KIF9: variants seen among roughly 807,000 people sequenced by gnomAD.
The protein encoded by KIF9 is kinesin family member 9, also known as kinesin-like protein KIF9.
In KIF9, 68 loss-of-function variants were observed where a neutral mutation model predicts 94.8. The observed-to-expected ratio is 0.72, with a 90% confidence interval of 0.59 to 0.88. The LOEUF (loss-of-function observed/expected upper bound fraction) is 0.88, where lower values mean the gene tolerates loss of function less well. Ranked by LOEUF, KIF9 falls within the 40% of genes least tolerant of loss-of-function variation. The pLI is 0.00. For synonymous variants in KIF9, 343 were observed against 362.1 expected (o/e 0.95, Z 0.60); for missense variants, 882 against 982.5 (o/e 0.90, Z 1.37).
At chr3:47,243,348 C>A (rs974065556) in intron 15 of KIF9, 103 bp from the exon 16 acceptor site, 71 of 878,890 alleles carry the variant, frequency 8.1e-5, no homozygotes, top group Admixed American at 1.5e-4. Context: ...GGGAACCCCA[C>A]CTCATTCAGC....
chr3:47,273,742 C>G, intron 3 of KIF9, 84 bp from the exon 4 acceptor site: 2 of 1,229,470 alleles, frequency 1.6e-6, no homozygotes, highest in Non-Finnish European at 2.3e-6. Context: ...CTGGTGCCAG[C>G]CAGGGCCCTT....
intron 10 of KIF9, among the ~76,000 whole-genome samples, chr3:47,250,246 C>A (rs964456332): frequency 6.6e-6 from 1 of 152,096 alleles, no homozygotes; most frequent in Non-Finnish European, 1.5e-5. Flanking sequence ...CTACTGAACA[C>A]TTGAAATGTG....
chr3:47,279,573 T>C (rs1702192665), intron 1 of KIF9, among the ~76,000 whole-genome samples: 1 of 152,026 alleles, frequency 6.6e-6, no homozygotes, highest in Non-Finnish European at 1.5e-5. Context: ...TAGATTATCT[T>C]GCTTTTTTAA....
chr3:47,256,461 C>G (rs573215241), intron 10 of KIF9, among the ~76,000 whole-genome samples: 2 of 150,896 alleles, frequency 1.3e-5, no homozygotes, highest in East Asian at 2.0e-4. Context: ...CCACCCCGTC[C>G]GGGAGGGAGG....
rs1165851707 is a variant in KIF9 at position 47,244,857 on chromosome 3, A to G, written c.1448T>C (p.Val483Ala). ...CCCAGGTTTGGTAGAGAAAGGGGCG[A>G]CTCCGAGTCCAAAGTTTTGTCCTTC... ...EPEGQNFGLGVAPFSTKPGKK... is the reference protein window; with the variant it reads ...EPEGQNFGLGAAPFSTKPGKK... Residue 483 changes from valine to alanine, a missense_variant, in exon 15 of 21, where the codon GTC becomes GCC. Transcript: ENST00000684063. 1 of 1,613,626 alleles carries G rather than the reference A, an allele frequency of 6.2e-7. No homozygotes were observed. The highest frequency in any genetic ancestry group is 8.5e-7 in the Non-Finnish European group (1 of 1,179,932).
chr3:47,281,002 A>G (rs761556051), intron 1 of KIF9: 1 of 702,942 alleles, frequency 1.4e-6, no homozygotes, highest in Non-Finnish European at 2.6e-6. Context: ...AGTGGGTTTC[A>G]GTTCCCAAAA....
intron 16 of KIF9, among the ~76,000 whole-genome samples, chr3:47,242,565 A>G (rs1172799440): frequency 6.6e-6 from 1 of 152,202 alleles, no homozygotes; most frequent in African/African-American, 2.4e-5. Context: ...CCCTTTCCCT[A>G]GTGTTGGCTA....
chr3:47,254,831 T>A (rs2107320051), intron 10 of KIF9, among the ~76,000 whole-genome samples: 1 of 152,072 alleles, frequency 6.6e-6, no homozygotes, highest in South Asian at 2.1e-4. Flanking sequence ...AAGATGAAAT[T>A]TTTAAAAAAG....
At chr3:47,245,383 T>G in intron 14 of KIF9, 38 bp downstream of exon 14, 1 of 1,480,606 alleles carries the variant, frequency 6.8e-7, no homozygotes, top group Non-Finnish European at 9.5e-7. Context: ...ATGGGAAATC[T>G]GAGGTGAGTG....
chr3:47,264,058 T>C, intron 9 of KIF9: 1 of 565,340 alleles, frequency 1.8e-6, no homozygotes, highest in Non-Finnish European at 3.3e-6. Flanking sequence ...TCTCCCATGC[T>C]GAGCCTGCCT....
intron 20 of KIF9, among the ~76,000 whole-genome samples, chr3:47,229,673 G>A (rs1027523415): frequency 6.6e-6 from 1 of 152,078 alleles, no homozygotes; most frequent in Non-Finnish European, 1.5e-5. Context: ...TATAGAGATT[G>A]GGGAATGAGA....
At position 47,236,156 on chromosome 3, in the gene KIF9, G is replaced by A. The variant is rs1553614457; in HGVS notation, c.2102-7C>T. The A allele has an allele frequency of 1.2e-6, 2 of 1,600,256 alleles. No individual in the cohort carries two copies. The highest frequency in any genetic ancestry group is 1.7e-6 in the Non-Finnish European group (2 of 1,167,408). ...TTGTACCAGATGTCAAATTCTACAA[G>A]GAGGTGAGGAGACAGAACTTGAGGA... On this transcript the variant is annotated splice_region_variant and splice_polypyrimidine_tract_variant and intron_variant, in intron 18 of 20. Transcript: ENST00000684063.
At chr3:47,252,999 C>T (rs374266482) in intron 10 of KIF9, among the ~76,000 whole-genome samples, 4 of 151,284 alleles carry the variant, frequency 2.6e-5, no homozygotes, top group South Asian at 2.1e-4. Flanking sequence ...CCAGCCTGGG[C>T]GACAGAGCTA....
In KIF9 at chr3:47,282,656, T is replaced by C; in HGVS notation, c.-167A>G. 1 of 1,231,604 alleles carries C rather than the reference T, an allele frequency of 8.1e-7. No homozygotes were observed. The highest frequency in any genetic ancestry group is 1.9e-5 in the South Asian group (1 of 51,414). 76.3% of individuals were successfully genotyped at this position (1,231,604 alleles called of 1,614,324 possible). Reference sequence around the variant, plus strand: ...GTGGCGGAAATGAAGTCCGAGGTCCTACGTCGAGGATACGGGTGAGGTCAT... The same window carrying C: ...GTGGCGGAAATGAAGTCCGAGGTCCCACGTCGAGGATACGGGTGAGGTCAT... On this transcript the variant is annotated 5_prime_UTR_variant, in exon 1 of 21. An upstream open reading frame in the 5' UTR loses its in-frame stop. Transcript: ENST00000684063.
chr3:47,273,528 C>G (rs777323158), intron 4 of KIF9, 24 bp downstream of exon 4: 1 of 1,547,024 alleles, frequency 6.5e-7, no homozygotes, highest in African/African-American at 1.4e-5. Flanking sequence ...TGTGTGGCAT[C>G]CCACCCTTGG....
chr3:47,247,094 T>G (rs1015270514), intron 12 of KIF9, among the ~76,000 whole-genome samples: 1 of 152,128 alleles, frequency 6.6e-6, no homozygotes. Flanking sequence ...ACTAGGCAGG[T>G]GAGGCCACTG....
chr3:47,245,254 C>G, intron 14 of KIF9, 167 bp downstream of exon 14: 1 of 652,364 alleles, frequency 1.5e-6, no homozygotes, highest in South Asian at 1.9e-5. Context: ...ATTTTTAATT[C>G]AAAAGTGGTT....
At chr3:47,239,809 C>T in intron 17 of KIF9, 1 of 1,367,322 alleles carries the variant, frequency 7.3e-7, no homozygotes, top group South Asian at 1.1e-5. Context: ...ATGCATCTGA[C>T]TTGCAGGAAT....
chr3:47,254,166 T>C (rs1161603629), intron 10 of KIF9, among the ~76,000 whole-genome samples: 1 of 152,164 alleles, frequency 6.6e-6, no homozygotes, highest in Non-Finnish European at 1.5e-5. Context: ...TTAGAAAGTG[T>C]AGGTATTTTG....
Sources: gnomAD v4.1 joint callset for allele counts (sites outside exome capture counted in the v4.1 genomes callset) on GRCh38, gnomAD v4.1.1 for gene constraint, MANE v1.5 for transcripts, NCBI Gene and HGNC (gene_info 2026-07-23, HGNC 2026-07-21) for gene names.